The following LRP1B variants were observed in gnomAD, a reference collection of about 807,000 sequenced individuals.
LRP1B encodes the protein LDL receptor related protein 1B, also known as low-density lipoprotein receptor-related protein 1B.
A neutral mutation model predicts 556.6 loss-of-function variants in LRP1B; 217 were observed. The ratio of observed to expected loss-of-function variants is 0.39; its 90% CI spans 0.35 to 0.44. The LOEUF is 0.44. LRP1B is among the 20% of genes least tolerant of loss of function. The probability of loss-of-function intolerance (pLI) is 1.00; values close to 1 mark genes in which losing one functional copy is unlikely to be tolerated. For synonymous variants in LRP1B, 2,047 were observed against 1,865.8 expected, an observed-to-expected ratio of 1.10 and a Z score of -2.50; for missense variants, 5,053 against 5,620.8, an observed-to-expected ratio of 0.90 and a Z score of 3.23.
intron 65 of LRP1B, 94 bp downstream of exon 65, chr2:140,444,236 T>G: frequency 7.5e-7 from 1 of 1,331,822 alleles, no homozygotes; most frequent in Non-Finnish European, 1.0e-6. Flanking sequence ...TCAATTTATC[T>G]ACATCATATG....
intron 31 of LRP1B, among the ~76,000 whole-genome samples, chr2:140,831,782 T>C (rs1033483754): frequency 4.6e-5 from 7 of 152,146 alleles, no homozygotes; most frequent in African/African-American, 1.4e-4. Context: ...TCTGACAAGA[T>C]ATCAATAACC....
At chr2:141,491,478 C>T (rs993847948) in intron 2 of LRP1B, among the ~76,000 whole-genome samples, 1 of 142,480 alleles carries the variant, frequency 7.0e-6, no homozygotes, top group Admixed American at 7.2e-5. Context: ...TTCTTTGGGA[C>T]TACTTTACCT....
chr2:141,526,870 AT>A (rs1684709176), intron 2 of LRP1B, among the ~76,000 whole-genome samples: 1 of 152,072 alleles, frequency 6.6e-6, no homozygotes, highest in African/African-American at 2.4e-5. Context: ...AACCATTTAG[AT>A]AAATTAAAAT....
chr2:140,664,310 CACA>C (rs924939509), intron 41 of LRP1B, among the ~76,000 whole-genome samples: 3 of 152,090 alleles, frequency 2.0e-5, no homozygotes, highest in African/African-American at 2.4e-5. Flanking sequence ...ATGCAAAAAG[CACA>C]ACATCTGCAC....
intron 20 of LRP1B, among the ~76,000 whole-genome samples, chr2:140,940,529 C>G (rs1695368331): frequency 6.6e-6 from 1 of 152,084 alleles, no homozygotes; most frequent in Non-Finnish European, 1.5e-5. Flanking sequence ...ATAGGTAAAT[C>G]CACCTTTTCA....
At chr2:141,041,841 CTT>C (rs1318614555) in intron 11 of LRP1B, among the ~76,000 whole-genome samples, 1 of 151,956 alleles carries the variant, frequency 6.6e-6, no homozygotes, top group Non-Finnish European at 1.5e-5. Context: ...ACAAATATGA[CTT>C]TGTACCCTAT....
At chr2:140,428,380 A>G (rs12472297) in intron 66 of LRP1B, among the ~76,000 whole-genome samples, 149,136 of 152,250 alleles carry the variant, frequency 0.98, 73,109 homozygotes, top group East Asian at 1. Context: ...GTGGCCAGGT[A>G]TTCCTCCAGG....
intron 27 of LRP1B, among the ~76,000 whole-genome samples, chr2:140,861,500 G>A (rs1224264319): frequency 6.6e-6 from 1 of 152,140 alleles, no homozygotes; most frequent in Admixed American, 6.5e-5. Context: ...CTAATGTAGA[G>A]AAACAAACTA....
chr2:140,743,413 C>T (rs1324195875), intron 35 of LRP1B, among the ~76,000 whole-genome samples: 1 of 152,124 alleles, frequency 6.6e-6, no homozygotes, highest in Non-Finnish European at 1.5e-5. Flanking sequence ...AAAACATACT[C>T]TAGATTCAGA....
rs745411651 is a variant in LRP1B, at chr2:140,886,094, TA to T, written c.3964+43del. On this transcript the variant is annotated intron_variant, in intron 24 of 90. Coordinates refer to ENST00000389484, the MANE Select transcript of LRP1B (RefSeq NM_018557.3). Reference sequence around the variant, plus strand: ...ATAACGTGTTCTTTGAATTTTCACTTAAAAAAGTAATCTAAACATTAAGAAA... The same window carrying T: ...ATAACGTGTTCTTTGAATTTTCACTTAAAAAGTAATCTAAACATTAAGAAA... 8.7e-6 allele frequency: 11 copies of T among 1,260,868 alleles called. No homozygotes were observed. In the Admixed American group the frequency reaches 9.3e-5, roughly 11 times the overall value. 78.1% of individuals were successfully genotyped at this position (1,260,868 alleles called of 1,614,324 possible).
Position 142,043,064 on chromosome 2 carries a change from T to A in LRP1B, c.82+87584A>T, listed in dbSNP as rs1264932649. Among the ~76,000 whole-genome samples, 3 of 151,592 alleles carry A rather than the reference T, an allele frequency of 2.0e-5. No homozygotes were observed. In the East Asian group the frequency reaches 5.8e-4, roughly 29 times the overall value. ...TTGTGAAACACTAACCTCGTGATAT[T>A]GTTTTCTTTACCTCTACCTAATCAT... On this transcript the variant is annotated intron_variant, in intron 1 of 90. Coordinates refer to ENST00000389484, the MANE Select transcript of LRP1B (RefSeq NM_018557.3).
At chr2:141,846,651 G>C (rs1198780933) in intron 1 of LRP1B, among the ~76,000 whole-genome samples, 1 of 151,314 alleles carries the variant, frequency 6.6e-6, no homozygotes, top group South Asian at 2.1e-4. Context: ...AACCAATATA[G>C]TGTGAGTAAA....
In LRP1B at chr2:141,790,668, A is replaced by C. The variant is rs949751472; in HGVS notation, c.205+19611T>G. Among the ~76,000 whole-genome samples the C allele has an allele frequency of 3.9e-5, 6 of 151,978 alleles. No homozygotes were observed. The South Asian group carries it at 1.2e-3, about 31-fold the overall frequency. On this transcript the variant is annotated intron_variant, in intron 2 of 90. Coordinates refer to ENST00000389484, the MANE Select transcript of LRP1B (RefSeq NM_018557.3). Reference sequence around the variant, plus strand: ...CCTCATTAACTGCCTTTTGTAATAAAAAATCTATCTTACAAACTATGGTAA... The same window carrying C: ...CCTCATTAACTGCCTTTTGTAATAACAAATCTATCTTACAAACTATGGTAA...
intron 1 of LRP1B, among the ~76,000 whole-genome samples, chr2:141,879,875 G>A (rs957125717): frequency 2.3e-4 from 35 of 151,912 alleles, no homozygotes; most frequent in African/African-American, 7.5e-4. Context: ...CTTATCCCTA[G>A]ATTATCACTA....
intron 2 of LRP1B, among the ~76,000 whole-genome samples, chr2:141,687,163 A>G (rs6744940): frequency 0.34 from 51,504 of 151,862 alleles, 9,271 homozygotes; most frequent in East Asian, 0.58. Flanking sequence ...GTTCATTTTG[A>G]GCAAATGGGT....
intron 3 of LRP1B, among the ~76,000 whole-genome samples, chr2:141,335,538 T>G (rs1687817176): frequency 6.6e-6 from 1 of 152,210 alleles, no homozygotes; most frequent in Admixed American, 6.5e-5. Context: ...TGAAGAATTT[T>G]AAGCAAAATA....
rs190353538 is a variant in LRP1B at position 140,603,952 on chromosome 2, G to A, written c.6800-2313C>T. On this transcript the variant is annotated intron_variant, in intron 41 of 90. Coordinates refer to ENST00000389484, the MANE Select transcript of LRP1B (RefSeq NM_018557.3). ...TCGACAGTGAGAGGGCATGTGGCATGTATATGTGTGTGTGTGCACACACAT... is the reference window on the plus strand; with the variant it reads ...TCGACAGTGAGAGGGCATGTGGCATATATATGTGTGTGTGTGCACACACAT... 2.8e-3 allele frequency among the ~76,000 whole-genome samples: 433 copies of A among 152,214 alleles called. 2 individuals carry two copies. The highest frequency in any genetic ancestry group is 4.5e-3 in the Non-Finnish European group (305 of 67,988).
chr2:141,796,667 T>C (rs1219317772), intron 2 of LRP1B, among the ~76,000 whole-genome samples: 1 of 151,374 alleles, frequency 6.6e-6, no homozygotes, highest in Admixed American at 6.6e-5. Flanking sequence ...GCTGAAATCC[T>C]GACAGTTGTC....
At chr2:141,378,373 A>G (rs1231273596) in intron 3 of LRP1B, among the ~76,000 whole-genome samples, 1 of 152,224 alleles carries the variant, frequency 6.6e-6, no homozygotes, top group African/African-American at 2.4e-5. Flanking sequence ...ACTAGAAAAT[A>G]TCAATAAAGA....
Sources: gnomAD v4.1 joint callset for allele counts (sites outside exome capture counted in the v4.1 genomes callset) on GRCh38, gnomAD v4.1.1 for gene constraint, MANE v1.5 for transcripts, NCBI Gene and HGNC (gene_info 2026-07-23, HGNC 2026-07-21) for gene names.